The following KCNIP4 variants were observed in gnomAD, a reference collection of about 807,000 sequenced individuals.
The protein encoded by KCNIP4 is potassium voltage-gated channel interacting protein 4.
Under a neutral mutation model 34.0 loss-of-function variants are expected in KCNIP4, and 12 were observed. The observed-to-expected ratio is 0.35, with a 90% confidence interval of 0.23 to 0.57. KCNIP4 has a LOEUF of 0.57. Among genes scored for constraint, KCNIP4 ranks in the 20% least tolerant of loss-of-function variants. The pLI is 0.83. For missense variants in KCNIP4, 238 were observed against 311.7 expected (o/e 0.76, Z 1.78); for synonymous variants, 124 against 102.2 (o/e 1.21, Z -1.29).
At chr4:21,433,465 T>C (rs948277591) in intron 1 of KCNIP4, among the ~76,000 whole-genome samples, 2 of 151,942 alleles carry the variant, frequency 1.3e-5, no homozygotes, top group Non-Finnish European at 2.9e-5. Flanking sequence ...GAAACAAACA[T>C]AAAATAGACC....
intron 1 of KCNIP4, among the ~76,000 whole-genome samples, chr4:20,975,998 G>T (rs1046628287): frequency 6.6e-6 from 1 of 152,192 alleles, no homozygotes; most frequent in African/African-American, 2.4e-5. Flanking sequence ...TTGAGGAGTT[G>T]TGACAGACTG....
chr4:21,578,667 A>G (rs1008627074), intron 1 of KCNIP4, among the ~76,000 whole-genome samples: 2 of 152,138 alleles, frequency 1.3e-5, no homozygotes, highest in Non-Finnish European at 1.5e-5. Context: ...ACCTCATAGA[A>G]TGTGAGTTTC....
chr4:21,336,428 C>A (rs1405342745), intron 1 of KCNIP4, among the ~76,000 whole-genome samples: 1 of 152,040 alleles, frequency 6.6e-6, no homozygotes, highest in Non-Finnish European at 1.5e-5. Context: ...TTACTAATTA[C>A]TACTGCATTT....
chr4:21,769,724 G>A (rs148506099), intron 1 of KCNIP4, among the ~76,000 whole-genome samples: 421 of 152,096 alleles, frequency 2.8e-3, no homozygotes, highest in African/African-American at 9.7e-3. Flanking sequence ...ACACTGACGT[G>A]CAAAATATTT....
chr4:21,409,258 C>T (rs929929256), intron 1 of KCNIP4, among the ~76,000 whole-genome samples: 2 of 149,886 alleles, frequency 1.3e-5, no homozygotes, highest in Non-Finnish European at 3.0e-5. Flanking sequence ...AGGTGTGTGC[C>T]ACCGTATCTG....
intron 1 of KCNIP4, among the ~76,000 whole-genome samples, chr4:21,552,694 C>A (rs924612283): frequency 6.6e-6 from 1 of 152,108 alleles, no homozygotes; most frequent in South Asian, 2.1e-4. Flanking sequence ...GTACTTGTCA[C>A]AGCAAAGCAT....
chr4:20,847,482 C>T (rs34995239), intron 3 of KCNIP4, among the ~76,000 whole-genome samples: 27,265 of 152,128 alleles, frequency 0.18, 2,598 homozygotes, highest in South Asian at 0.37. Context: ...ACAAGCCCTT[C>T]AGGTGATTCT....
chr4:20,777,623 G>A (rs1460395923), intron 3 of KCNIP4, among the ~76,000 whole-genome samples: 1 of 152,144 alleles, frequency 6.6e-6, no homozygotes, highest in African/African-American at 2.4e-5. Flanking sequence ...CCATCCTCCA[G>A]AAATGTAAGA....
chr4:21,449,244 A>G (rs541668892), intron 1 of KCNIP4, among the ~76,000 whole-genome samples: 68 of 152,110 alleles, frequency 4.5e-4, no homozygotes, highest in African/African-American at 1.2e-3. Flanking sequence ...TTTAACTCCT[A>G]TTTTTTCTCT....
chr4:20,802,941 G>A (rs1714532955), intron 3 of KCNIP4, among the ~76,000 whole-genome samples: 1 of 151,846 alleles, frequency 6.6e-6, no homozygotes, highest in South Asian at 2.1e-4. Context: ...CGGGCGTGGT[G>A]GCAGGCACCT....
intron 1 of KCNIP4, chr4:21,852,717 A>T (rs982348615): frequency 6.6e-6 from 1 of 152,196 alleles, no homozygotes; most frequent in African/African-American, 2.4e-5. Context: ...CTCACTCTGC[A>T]TGCAACTGGT....
chr4:20,906,601 G>A (rs1727796062), intron 1 of KCNIP4, among the ~76,000 whole-genome samples: 1 of 152,076 alleles, frequency 6.6e-6, no homozygotes, highest in South Asian at 2.1e-4. Context: ...ATAACATTTA[G>A]TATTTAGACC....
At chr4:21,412,191 C>T (rs1243998807) in intron 1 of KCNIP4, among the ~76,000 whole-genome samples, 1 of 152,154 alleles carries the variant, frequency 6.6e-6, no homozygotes, top group Non-Finnish European at 1.5e-5. Flanking sequence ...TCTTTGACAG[C>T]TGCTTATCAT....
chr4:21,537,148 A>C (rs1257149491), intron 1 of KCNIP4, among the ~76,000 whole-genome samples: 2 of 152,192 alleles, frequency 1.3e-5, no homozygotes, highest in African/African-American at 4.8e-5. Context: ...TGCACCACAC[A>C]TTGGGGGCTG....
At chr4:21,156,929 C>A (rs1320481381) in intron 1 of KCNIP4, among the ~76,000 whole-genome samples, 1 of 152,020 alleles carries the variant, frequency 6.6e-6, no homozygotes, top group East Asian at 1.9e-4. Flanking sequence ...TTAAGGAATT[C>A]AATGATCTAG....
chr4:21,271,673 G>A (rs1248961378), intron 1 of KCNIP4, among the ~76,000 whole-genome samples: 1 of 151,990 alleles, frequency 6.6e-6, no homozygotes, highest in Non-Finnish European at 1.5e-5. Flanking sequence ...GGTGCTTTGG[G>A]GCTACACTTC....
chr4:21,589,330 G>GTATGTAGATATGTACA (rs1560540724), intron 1 of KCNIP4, among the ~76,000 whole-genome samples: 1 of 141,256 alleles, frequency 7.1e-6, no homozygotes, highest in Non-Finnish European at 1.5e-5. Context: ...ATATACACGT[G>GTATGTAGATATGTACA]TATATATATA....
intron 6 of KCNIP4, among the ~76,000 whole-genome samples, chr4:20,733,530 GAT>G (rs986541557): frequency 6.6e-6 from 1 of 152,050 alleles, no homozygotes; most frequent in Non-Finnish European, 1.5e-5. Context: ...AATTATAAAT[GAT>G]AGAGTAATTT....
intron 1 of KCNIP4, among the ~76,000 whole-genome samples, chr4:21,354,363 A>G (rs909353135): frequency 1.1e-4 from 16 of 152,334 alleles, no homozygotes; most frequent in African/African-American, 3.8e-4. Flanking sequence ...TAAATTGGAT[A>G]AAGAGTCAAA....
Sources: gnomAD v4.1 joint callset for allele counts (sites outside exome capture counted in the v4.1 genomes callset) on GRCh38, gnomAD v4.1.1 for gene constraint, MANE v1.5 for transcripts, NCBI Gene and HGNC (gene_info 2026-07-23, HGNC 2026-07-21) for gene names.